The following NLRP7 variants were observed in gnomAD, a reference collection of about 807,000 sequenced individuals.
The protein encoded by NLRP7 is NLR family pyrin domain containing 7.
NLRP7 carries 72 observed loss-of-function variants against 85.5 expected under a neutral mutation model. The ratio of observed to expected loss-of-function variants is 0.84; its 90% CI spans 0.70 to 1.02. The LOEUF (loss-of-function observed/expected upper bound fraction) is 1.02. NLRP7 is among the 50% of genes least tolerant of loss of function. The pLI, the probability that NLRP7 is intolerant of heterozygous loss-of-function variation, is 0.00. For synonymous variants in NLRP7, 550 were observed against 505.2 expected (o/e 1.09, Z -1.19); for missense variants, 1,243 against 1,219.5 (o/e 1.02, Z -0.29).
At chr19:54,960,401 C>T (rs2070001331) in intron 1 of NLRP7, among the ~76,000 whole-genome samples, 1 of 151,518 alleles carries the variant, frequency 6.6e-6, no homozygotes, top group African/African-American at 2.4e-5. Flanking sequence ...AGTGATCCAC[C>T]CATCTCAGCC....
Position 54,937,022 on chromosome 19 carries a change from T to C in NLRP7, c.2130-591A>G, listed in dbSNP as rs190472317. 5.9e-3 allele frequency among the ~76,000 whole-genome samples: 898 copies of C among 151,166 alleles called. 6 individuals carry two copies. The highest frequency in any genetic ancestry group is 0.01 in the Middle Eastern group (3 of 288). On this transcript the variant is annotated intron_variant, in intron 5 of 9. Coordinates refer to ENST00000340844, the Ensembl canonical transcript of NLRP7. ...TCACGAGGTCAGGAGATCAAGACCA[T>C]CCTGGCTAACACGGTGAAACCCCGT...
At chr19:54,954,570 C>T (rs1281525882) in intron 1 of NLRP7, among the ~76,000 whole-genome samples, 3 of 143,970 alleles carry the variant, frequency 2.1e-5, no homozygotes, top group Admixed American at 7.0e-5. Flanking sequence ...CGAGGCCGGA[C>T]GTGGTGGCTT....
At chr19:54,957,346 C>CTTTT (rs369473061) in intron 1 of NLRP7, among the ~76,000 whole-genome samples, 5 of 128,060 alleles carry the variant, frequency 3.9e-5, no homozygotes, top group African/African-American at 1.5e-4. Context: ...TCTTCTTCTT[C>CTTTT]TTTTTTTTTT....
chr19:54,946,661 A>G (rs2069489507), intron 1 of NLRP7, among the ~76,000 whole-genome samples: 1 of 147,940 alleles, frequency 6.8e-6, no homozygotes, highest in African/African-American at 2.5e-5. Flanking sequence ...GTTTTTTGAG[A>G]CGGAGTCGCA....
rs575160738 is a variant in NLRP7 at position 54,934,716 on chromosome 19, CT to C, written c.2301-58del. 51,064 of 991,282 alleles carry C rather than the reference CT, an allele frequency of 0.052. No individual in the cohort carries two copies. The highest frequency in any genetic ancestry group is 0.079 in the South Asian group (3,672 of 46,688). 61.4% of individuals were successfully genotyped at this position (991,282 alleles called of 1,614,324 possible). On this transcript the variant is annotated intron_variant, in intron 6 of 9. Transcript: ENST00000340844. This position sits in a 1 kb window ranked among gnomAD's most constrained non-coding sequence, Gnocchi z 6.7. ...GGGAGGACAGAGTATACCCTATCAG[CT>C]TTTTTTTTTTGAGACAGAGTTTCAC... is the stretch of plus-strand genomic sequence containing the variant.
chr19:54,954,872 TAGC>T (rs1356871703), intron 1 of NLRP7, among the ~76,000 whole-genome samples: 1 of 151,792 alleles, frequency 6.6e-6, no homozygotes, highest in Non-Finnish European at 1.5e-5. Flanking sequence ...TAAGGGCAAC[TAGC>T]AGCCCTATGG....
At chr19:54,965,925 AATAAT>A (rs2070367857) in intron 1 of NLRP7, 1 of 69,152 alleles carries the variant, frequency 1.4e-5, no homozygotes, top group South Asian at 4.7e-4. Flanking sequence ...AAAATAAAAT[AATAAT>A]AATACTGTGA....
intron 1 of NLRP7, among the ~76,000 whole-genome samples, chr19:54,964,048 T>G (rs2070185864): frequency 6.8e-6 from 1 of 147,268 alleles, no homozygotes; most frequent in African/African-American, 2.5e-5. Context: ...CCCGACTAAT[T>G]TTTTGTATTT....
exon 4 of NLRP7, chr19:54,939,644 C>G: frequency 6.2e-7 from 1 of 1,611,506 alleles, no homozygotes; most frequent in Non-Finnish European, 8.5e-7. Flanking sequence ...CAGGAACAGC[C>G]CCGTGCGGGT....
chr19:54,930,943 A>C (rs1346885458), intron 8 of NLRP7, among the ~76,000 whole-genome samples: 1 of 152,078 alleles, frequency 6.6e-6, no homozygotes, highest in African/African-American at 2.4e-5. Context: ...GAATCGCTTG[A>C]ATCCGGGAGG....
At chr19:54,954,528 CAAAAAAAA>C (rs35846819) in intron 1 of NLRP7, among the ~76,000 whole-genome samples, 2 of 47,532 alleles carry the variant, frequency 4.2e-5, no homozygotes, top group Non-Finnish European at 8.2e-5. Context: ...GACTCCGTCT[CAAAAAAAA>C]AAAAAAAAAA....
exon 8 of NLRP7, chr19:54,933,573 A>T: frequency 1.2e-6 from 2 of 1,614,176 alleles, no homozygotes; most frequent in African/African-American, 2.7e-5. Context: ...ACTTACACCA[A>T]GGTCTGCAGT....
At chr19:54,940,846 AGAAAT>A in intron 3 of NLRP7, 80 bp downstream of exon 3, 1 of 906,874 alleles carries the variant, frequency 1.1e-6, no homozygotes, top group South Asian at 1.3e-5. Flanking sequence ...AAAAACTACC[AGAAAT>A]GAATAAAACC....
At chr19:54,927,580 A>G (rs1319615308) in intron 9 of NLRP7, 25 bp downstream of exon 10, 1 of 1,611,134 alleles carries the variant, frequency 6.2e-7, no homozygotes, top group African/African-American at 1.3e-5. Context: ...AAAAAACAAA[A>G]CAAAACAAAA....
exon 10 of NLRP7, chr19:54,923,872 C>T: frequency 6.2e-7 from 1 of 1,613,436 alleles, no homozygotes; most frequent in Non-Finnish European, 8.5e-7. Context: ...AGGTCTTCAA[C>T]CTGGAGGGAT....
intron 8 of NLRP7, among the ~76,000 whole-genome samples, chr19:54,932,863 G>A (rs11879978): frequency 0.069 from 10,421 of 151,888 alleles, 362 homozygotes; most frequent in East Asian, 0.15. Context: ...CACCATGTTG[G>A]CCAGGCTGGT....
At chr19:54,944,921 C>T (rs922334025) in intron 1 of NLRP7, among the ~76,000 whole-genome samples, 2 of 152,026 alleles carry the variant, frequency 1.3e-5, no homozygotes, top group African/African-American at 4.8e-5. Flanking sequence ...TTTGCAGTGA[C>T]AACGCTTGAT....
chr19:54,933,450 C>T (rs1011958779), intron 8 of NLRP7, 119 bp downstream of exon 8: 7 of 1,326,686 alleles, frequency 5.3e-6, no homozygotes, highest in Admixed American at 3.9e-5. Flanking sequence ...TGGCCTCTGC[C>T]TGTTCTTTAA....
chr19:54,957,973 T>G (rs902568160), intron 1 of NLRP7, among the ~76,000 whole-genome samples: 8 of 151,850 alleles, frequency 5.3e-5, no homozygotes, highest in Non-Finnish European at 7.4e-5. Context: ...TCCAGCACTT[T>G]GGGAGGCCCA....
Sources: gnomAD v4.1 joint callset for allele counts (sites outside exome capture counted in the v4.1 genomes callset) on GRCh38, gnomAD v4.1.1 for gene constraint, Gnocchi (gnomAD v3.1) non-coding constraint, MANE v1.5 for transcripts, NCBI Gene and HGNC (gene_info 2026-07-23, HGNC 2026-07-21) for gene names.